TM9SF4: variants seen among roughly 807,000 people sequenced by gnomAD.
TM9SF4 encodes dinucleotide oxidase disulfide thiol exchanger 3 superfamily member 4.
Under a neutral mutation model 90.4 loss-of-function variants are expected in TM9SF4, and 26 were observed. The observed-to-expected ratio is 0.29, with a 90% CI of 0.21 to 0.40. TM9SF4 has a LOEUF of 0.40. Among genes scored for constraint, TM9SF4 ranks in the 10% least tolerant of loss-of-function variants. The probability of loss-of-function intolerance (pLI) is 1.00; values close to 1 mark genes in which losing one functional copy is unlikely to be tolerated. For missense variants in TM9SF4, 549 were observed against 834.8 expected (o/e 0.66, Z 4.22); for synonymous variants, 293 against 315.4 (o/e 0.93, Z 0.75).
chr20:32,117,745 G>C (rs2046248536), intron 1 of TM9SF4, among the ~76,000 whole-genome samples: 1 of 151,556 alleles, frequency 6.6e-6, no homozygotes, highest in African/African-American at 2.4e-5. Flanking sequence ...TGGCGTGTTA[G>C]ATTACAGCAC....
chr20:32,110,326 C>A (rs980900866), intron 1 of TM9SF4, among the ~76,000 whole-genome samples: 1 of 152,160 alleles, frequency 6.6e-6, no homozygotes, highest in East Asian at 1.9e-4. Context: ...TACCCCACCC[C>A]CATCTTTCAT....
At chr20:32,157,295 GCAGAACCCATGGATA>G (rs1307494002) in intron 13 of TM9SF4, among the ~76,000 whole-genome samples, 1 of 152,096 alleles carries the variant, frequency 6.6e-6, no homozygotes, top group Non-Finnish European at 1.5e-5. Context: ...ATCCACAGAT[GCAGAACCCATGGATA>G]CAGAGGACCG....
At chr20:32,151,920 G>A (rs556759805) in intron 12 of TM9SF4, among the ~76,000 whole-genome samples, 1 of 151,336 alleles carries the variant, frequency 6.6e-6, no homozygotes, top group Non-Finnish European at 1.5e-5. Context: ...GGAGTGCAGT[G>A]GTGTGATCTT....
chr20:32,109,934 A>T, intron 1 of TM9SF4, 179 bp downstream of exon 1: 1 of 1,436,200 alleles, frequency 7.0e-7, no homozygotes, highest in Non-Finnish European at 9.1e-7. Context: ...CTGCCCCTGC[A>T]CTCAGGCTTG....
At position 32,166,823 on chromosome 20, in the gene TM9SF4, A is replaced by G. The variant is rs2047105151; in HGVS notation, c.*1379A>G. On this transcript the variant is annotated 3_prime_UTR_variant, in exon 18 of 18. Coordinates refer to ENST00000398022, the MANE Select transcript of TM9SF4 (RefSeq NM_014742.4). ...TCAAGTAGCAGCTGCTAACCCTTGC[A>G]CCAGCCCTTGTGGGACTCCCAACAC... 1 of 152,132 alleles carries G rather than the reference A, an allele frequency of 6.6e-6. No homozygotes were observed. The highest frequency in any genetic ancestry group is 1.5e-5 in the Non-Finnish European group (1 of 68,036). 9.4% of individuals were successfully genotyped at this position (152,132 alleles called of 1,614,324 possible). A position where few individuals can be genotyped will look rare whatever the true frequency, so the allele number is the denominator to read the frequency against.
chr20:32,141,598 G>C lies in TM9SF4; in HGVS notation c.331G>C (p.Val111Leu). The C allele has an allele frequency of 6.2e-7, 1 of 1,614,194 alleles. No individual in the cohort carries two copies. Among genetic ancestry groups the C allele is most frequent in the South Asian group, 1.1e-5 (1 of 91,082 alleles). Residue 111 changes from valine (V) to leucine (L), a missense_variant, in exon 4 of 18, where the codon GTG (valine) becomes CTG (leucine). By Grantham distance (32) the Val-to-Leu change is conservative. Coordinates refer to ENST00000398022, the MANE Select transcript of TM9SF4 (RefSeq NM_014742.4). ...TCTGTGCAGCCAGTCCAACAAGCCA[G>C]TGACCCTGACAGTGGAGCAGAGCCG... is the stretch of plus-strand genomic sequence containing the variant. The part of the protein sequence containing the change: ...EVLCSQSNKP[V>L]TLTVEQSRLV...
At chr20:32,125,681 CTTTTTT>C (rs11470673) in intron 1 of TM9SF4, among the ~76,000 whole-genome samples, 2 of 108,944 alleles carry the variant, frequency 1.8e-5, no homozygotes, top group Non-Finnish European at 1.8e-5. Flanking sequence ...TCTCTTTTTT[CTTTTTT>C]TTTTTTTTTT....
intron 13 of TM9SF4, 70 bp from the exon 14 acceptor site, chr20:32,157,724 C>T (rs1349510260): frequency 7.0e-6 from 11 of 1,569,710 alleles, no homozygotes; most frequent in Admixed American, 1.8e-5. Context: ...CAGAAGGTCC[C>T]CTCCCCCTTG....
At chr20:32,157,999 G>A (rs2046954579) in intron 14 of TM9SF4, 30 bp downstream of exon 14, 1 of 1,612,606 alleles carries the variant, frequency 6.2e-7, no homozygotes, top group South Asian at 1.1e-5. Context: ...CAAGAGCAGG[G>A]GAACGTGGAA....
chr20:32,133,774 C>T (rs1278841984), intron 2 of TM9SF4, among the ~76,000 whole-genome samples: 4 of 152,004 alleles, frequency 2.6e-5, no homozygotes, highest in Non-Finnish European at 5.9e-5. Flanking sequence ...TGTTCAAGGT[C>T]ACATAGTGAG....
intron 1 of TM9SF4, among the ~76,000 whole-genome samples, chr20:32,118,638 TATTTA>T (rs1286598825): frequency 3.5e-5 from 5 of 140,988 alleles, no homozygotes; most frequent in African/African-American, 1.5e-4. Context: ...TTTATTTATT[TATTTA>T]TTTTTATTTT....
intron 2 of TM9SF4, among the ~76,000 whole-genome samples, chr20:32,134,201 G>A (rs2046562293): frequency 6.6e-6 from 1 of 152,140 alleles, no homozygotes; most frequent in Non-Finnish European, 1.5e-5. Flanking sequence ...TGGCCTGGAG[G>A]TACCAGAGCT....
At chr20:32,150,367 G>A (rs376571238) in intron 10 of TM9SF4, among the ~76,000 whole-genome samples, 4 of 152,324 alleles carry the variant, frequency 2.6e-5, no homozygotes, top group East Asian at 1.9e-4. Context: ...TCTGTGGACC[G>A]AAAGCTGCGG....
intron 13 of TM9SF4, among the ~76,000 whole-genome samples, chr20:32,156,942 C>CTT (rs71185385): frequency 3.9e-5 from 4 of 103,492 alleles, no homozygotes; most frequent in Non-Finnish European, 5.2e-5. Context: ...TGGACATTTT[C>CTT]TTTTTTTTTT....
chr20:32,152,684 G>C (rs571385230), intron 12 of TM9SF4, among the ~76,000 whole-genome samples: 2 of 152,244 alleles, frequency 1.3e-5, no homozygotes, highest in East Asian at 3.9e-4. Context: ...GGCCTTGCCT[G>C]TGCCATCCCC....
chr20:32,155,679 C>T (rs2046909016), intron 13 of TM9SF4, among the ~76,000 whole-genome samples: 1 of 152,192 alleles, frequency 6.6e-6, no homozygotes, highest in South Asian at 2.1e-4. Context: ...GTCCAAGACT[C>T]ACTGAGGAGG....
chr20:32,144,126 A>G (rs1271422499), intron 6 of TM9SF4, among the ~76,000 whole-genome samples: 1 of 152,058 alleles, frequency 6.6e-6, no homozygotes, highest in Non-Finnish European at 1.5e-5. Flanking sequence ...TTGTATTTTT[A>G]GTAGAGACGG....
At position 32,166,958 on chromosome 20, in the gene TM9SF4, A is replaced by C. The variant is rs1023499427; in HGVS notation, c.*1514A>C. 3.3e-5 allele frequency: 5 copies of C among 152,042 alleles called. No homozygotes were observed. The highest frequency in any genetic ancestry group is 1.2e-4 in the African/African-American group (5 of 41,398). The allele number at this position is 152,042 out of a possible 1,614,324, so 9.4% of individuals were successfully genotyped here. A position where few individuals can be genotyped will look rare whatever the true frequency, so the allele number is the denominator to read the frequency against. ...CACCCATCAAACCAGTGAATTTCTCAATCTTGCCTCACAGTGACTGCAGCG... is the reference window on the plus strand; with the variant it reads ...CACCCATCAAACCAGTGAATTTCTCCATCTTGCCTCACAGTGACTGCAGCG... On this transcript the variant is annotated 3_prime_UTR_variant, in exon 18 of 18. Transcript: ENST00000398022.
chr20:32,165,589 G>T lies in TM9SF4; in HGVS notation c.*145G>T, dbSNP rs1056087197. On this transcript the variant is annotated 3_prime_UTR_variant, in exon 18 of 18. Coordinates refer to ENST00000398022, the MANE Select transcript of TM9SF4 (RefSeq NM_014742.4). The stretch of plus-strand genomic sequence containing the variant: ...GTGTTCCTGGATCCTGGGGCTGCGT[G>T]GGGGGCGGGAGGGCCTGTAGATAAT... The T allele has an allele frequency of 1.6e-5, 15 of 964,004 alleles. No homozygotes were observed. The highest frequency in any genetic ancestry group is 1.7e-5 in the Non-Finnish European group (11 of 651,248). 59.7% of individuals were successfully genotyped at this position (964,004 alleles called of 1,614,324 possible). A position where few individuals can be genotyped will look rare whatever the true frequency, so the allele number is the denominator to read the frequency against.
Sources: gnomAD v4.1 joint callset for allele counts (sites outside exome capture counted in the v4.1 genomes callset) on GRCh38, gnomAD v4.1.1 for gene constraint, MANE v1.5 for transcripts, NCBI Gene and HGNC (gene_info 2026-07-23, HGNC 2026-07-21) for gene names.